Variants in RPTOR observed in about 807,000 individuals in gnomAD.
RPTOR encodes the protein regulatory associated protein of MTOR complex 1, also known as regulatory-associated protein of mTOR.
In RPTOR, 21 loss-of-function variants were observed where a neutral mutation model predicts 169.9. The observed-to-expected ratio is 0.12, with a 90% CI of 0.09 to 0.18. The LOEUF (loss-of-function observed/expected upper bound fraction) is 0.18. Ranked by LOEUF, RPTOR falls within the 10% of genes least tolerant of loss-of-function variation. The pLI, the probability that RPTOR is intolerant of heterozygous loss-of-function variation, is 1.00. For synonymous variants in RPTOR, 732 were observed against 753.2 expected (o/e 0.97, Z 0.46); for missense variants, 1,133 against 1,855.9 (o/e 0.61, Z 7.16).
At chr17:80,640,368 A>G (rs1337251902) in intron 2 of RPTOR, among the ~76,000 whole-genome samples, 3 of 152,260 alleles carry the variant, frequency 2.0e-5, no homozygotes, top group Non-Finnish European at 4.4e-5. Context: ...TTTAAATTAT[A>G]CTTAATCAAA....
At chr17:80,889,745 GTGTGCC>G (rs2143860159) in intron 17 of RPTOR, among the ~76,000 whole-genome samples, 1 of 152,332 alleles carries the variant, frequency 6.6e-6, no homozygotes, top group East Asian at 1.9e-4. Context: ...GCTCTTTGCT[GTGTGCC>G]AGGCAGCAGC....
At chr17:80,628,979 C>G (rs1320026867) in intron 2 of RPTOR, among the ~76,000 whole-genome samples, 2 of 151,806 alleles carry the variant, frequency 1.3e-5, no homozygotes, top group Non-Finnish European at 2.9e-5. Context: ...ACTCAGCTGT[C>G]TATGTATTCT....
intron 1 of RPTOR, among the ~76,000 whole-genome samples, chr17:80,621,922 G>A (rs2065357491): frequency 6.6e-6 from 1 of 152,222 alleles, no homozygotes; most frequent in East Asian, 1.9e-4. Context: ...CAAGCCCCAG[G>A]GCAGCGGCGG....
rs562780309 is a variant in RPTOR at position 80,638,950 on chromosome 17, C to T, written c.266-4778C>T. 1.4e-4 allele frequency among the ~76,000 whole-genome samples: 22 copies of T among 152,312 alleles called. No individual in the cohort carries two copies. The East Asian group carries it at 1.7e-3, about 12-fold the overall frequency. Reference sequence around the variant, plus strand: ...ACGGCTCCCGTCCTAGTCCCACAGACGCTGCAAGGGCCGCGGGTCCCGGCC... The same window carrying T: ...ACGGCTCCCGTCCTAGTCCCACAGATGCTGCAAGGGCCGCGGGTCCCGGCC... On this transcript the variant is annotated intron_variant, in intron 2 of 33. Coordinates refer to ENST00000306801, the MANE Select transcript of RPTOR (RefSeq NM_020761.3).
intron 5 of RPTOR, among the ~76,000 whole-genome samples, chr17:80,744,133 CTACTAGCACTATCCTGGT>C (rs1567888200): frequency 1.7e-4 from 7 of 41,310 alleles, no homozygotes; most frequent in South Asian, 7.7e-4. Context: ...ACAGCCCTGG[CTACTAGCACTATCCTGGT>C]TACTAGCACA....
intron 6 of RPTOR, among the ~76,000 whole-genome samples, chr17:80,775,920 T>C (rs1371100480): frequency 1.3e-5 from 2 of 152,362 alleles, no homozygotes; most frequent in African/African-American, 4.8e-5. Flanking sequence ...TTTATATTGC[T>C]ATTGATATTT....
rs1258385570 is a variant in RPTOR at position 80,726,244 on chromosome 17, GAGACC to G, written c.508-4314_508-4310del. Among the ~76,000 whole-genome samples, 2 of 152,196 alleles carry G rather than the reference GAGACC, an allele frequency of 1.3e-5. No homozygotes were observed. The highest frequency in any genetic ancestry group is 4.8e-5 in the African/African-American group (2 of 41,454). ...TCTTAGAATTTAAAGTCCTAGAGCA[GAGACC>G]AACTGGGGCCATCCATGGCCCTGTG... On this transcript the variant is annotated intron_variant, in intron 4 of 33. Transcript: ENST00000306801. The surrounding 1 kb of genome is among the most constrained non-coding windows in gnomAD (Gnocchi z 4.5).
intron 13 of RPTOR, among the ~76,000 whole-genome samples, chr17:80,863,097 C>T (rs2067938797): frequency 6.6e-6 from 1 of 152,314 alleles, no homozygotes; most frequent in Middle Eastern, 3.4e-3. Flanking sequence ...AGAAGGTGGG[C>T]TCGGGCGGAA....
rs139797464 is a variant in RPTOR, at chr17:80,652,084, C to T, written c.348+8274C>T. ...ATTCCGGAGGCTGAGGTAAGAGAAT[C>T]GCTTGAACCTGGGAGGTGGAGGTTG... On this transcript the variant is annotated intron_variant, in intron 3 of 33. Coordinates refer to ENST00000306801, the MANE Select transcript of RPTOR (RefSeq NM_020761.3). Among the ~76,000 whole-genome samples, 1,338 of 147,804 alleles carry T rather than the reference C, an allele frequency of 9.1e-3. 15 individuals carry two copies. The highest frequency in any genetic ancestry group is 0.028 in the African/African-American group (1,107 of 39,728).
rs990338188 is a variant in RPTOR, at chr17:80,966,230, G to A, written c.*1900G>A. 2 of 225,626 alleles carry A rather than the reference G, an allele frequency of 8.9e-6. No homozygotes were observed. The highest frequency in any genetic ancestry group is 2.3e-5 in the African/African-American group (1 of 44,074). 14.0% of individuals were successfully genotyped at this position (225,626 alleles called of 1,614,324 possible). On this transcript the variant is annotated 3_prime_UTR_variant, in exon 34 of 34. Transcript: ENST00000306801. ...TGAAAATTCAATCACGACGTTAACCGGCTCGAGAGAGCGCCGGCCTAGAGG... is the reference window on the plus strand; with the variant it reads ...TGAAAATTCAATCACGACGTTAACCAGCTCGAGAGAGCGCCGGCCTAGAGG...
chr17:80,925,454 C>T lies in RPTOR; in HGVS notation c.2893C>T (p.Arg965Cys), dbSNP rs542518961. Residue 965 changes from arginine (R) to cysteine (C), a missense_variant, in exon 24 of 34, where the codon CGC (arginine) becomes TGC (cysteine). Around this residue, in one of 9 missense-constraint regions of RPTOR, gnomAD observed 410 missense variants for 623.7 expected, o/e 0.66. Transcript: ENST00000306801. ...VQTGFCDWSA[R>C]YFAQPVMKIP... The stretch of plus-strand genomic sequence containing the variant: ...GACGGGGTTCTGCGACTGGAGCGCC[C>T]GCTATTTTGCCCAGCCCGTCATGAA... The T allele has an allele frequency of 5.1e-5, 82 of 1,613,466 alleles. No homozygotes were observed. The highest frequency in any genetic ancestry group is 3.8e-4 in the East Asian group (17 of 44,890).
At chr17:80,944,144 C>T (rs2069069150) in intron 25 of RPTOR, among the ~76,000 whole-genome samples, 1 of 152,204 alleles carries the variant, frequency 6.6e-6, no homozygotes, top group Non-Finnish European at 1.5e-5. Flanking sequence ...CTTCCTAGTG[C>T]TCGTGTTTGG....
chr17:80,892,266 G>A (rs978032990), intron 18 of RPTOR, among the ~76,000 whole-genome samples: 8 of 152,072 alleles, frequency 5.3e-5, no homozygotes, highest in African/African-American at 1.2e-4. Context: ...CATCGCTGCC[G>A]GCAGCCCCTC....
Position 80,906,733 on chromosome 17 carries a change from G to GAGCGTGACCTCCTAGATGGC in RPTOR, c.2402-2034_2402-2015dup, listed in dbSNP as rs1192790326. On this transcript the variant is annotated intron_variant, in intron 20 of 33. Coordinates refer to ENST00000306801, the MANE Select transcript of RPTOR (RefSeq NM_020761.3). ...CGCCAGCACAGGCAGCACAGCAGCAGAGCGTGACCTCCTAGATGGCAGCGT... is the reference window on the plus strand; with the variant it reads ...CGCCAGCACAGGCAGCACAGCAGCAGAGCGTGACCTCCTAGATGGCAGCGTGACCTCCTAGATGGCAGCGT... Among the ~76,000 whole-genome samples the GAGCGTGACCTCCTAGATGGC allele has an allele frequency of 7.9e-5, 12 of 152,278 alleles. No homozygotes were observed. The East Asian group carries it at 1.7e-3, about 22-fold the overall frequency.
At chr17:80,873,141 C>T (rs2068070097) in intron 13 of RPTOR, among the ~76,000 whole-genome samples, 1 of 152,162 alleles carries the variant, frequency 6.6e-6, no homozygotes, top group Admixed American at 6.5e-5. Context: ...AGGCTGGGTT[C>T]GTTGCAGGTC....
intron 17 of RPTOR, among the ~76,000 whole-genome samples, chr17:80,885,406 G>T (rs2068234206): frequency 6.6e-6 from 1 of 152,170 alleles, no homozygotes; most frequent in Non-Finnish European, 1.5e-5. Context: ...TCCTGCCTGG[G>T]AGCAACACAC....
intron 1 of RPTOR, among the ~76,000 whole-genome samples, chr17:80,581,613 TGCA>T (rs2065014950): frequency 6.6e-6 from 1 of 151,236 alleles, no homozygotes; most frequent in Non-Finnish European, 1.5e-5. Flanking sequence ...TGCTATTCTC[TGCA>T]GTGGAGACCG....
At position 80,719,573 on chromosome 17, in the gene RPTOR, C is replaced by T. The variant is rs574686315; in HGVS notation, c.508-10987C>T. On this transcript the variant is annotated intron_variant, in intron 4 of 33. Transcript: ENST00000306801. Reference sequence around the variant, plus strand: ...CTGTGGTCTCATCTGGATTTGCCGCCGCAGCTTTCCCTGGACTAAAGATGG... The same window carrying T: ...CTGTGGTCTCATCTGGATTTGCCGCTGCAGCTTTCCCTGGACTAAAGATGG... Among the ~76,000 whole-genome samples, 313 of 152,280 alleles carry T rather than the reference C, an allele frequency of 2.1e-3. 2 individuals carry two copies. Among genetic ancestry groups the T allele is most frequent in the Non-Finnish European group, 3.4e-3 (232 of 68,028 alleles).
intron 25 of RPTOR, among the ~76,000 whole-genome samples, chr17:80,944,930 G>T (rs572041987): frequency 6.6e-6 from 1 of 151,264 alleles, no homozygotes; most frequent in Admixed American, 6.6e-5. Context: ...GGCAGAGGTG[G>T]CAGTGAGCCA....
Sources: gnomAD v4.1 joint callset for allele counts (sites outside exome capture counted in the v4.1 genomes callset) on GRCh38, gnomAD v4.1.1 for gene constraint, gnomAD v4.1.1 regional missense constraint, Gnocchi (gnomAD v3.1) non-coding constraint, MANE v1.5 for transcripts, NCBI Gene and HGNC (gene_info 2026-07-23, HGNC 2026-07-21) for gene names.